ZNF132: variants seen among roughly 807,000 people sequenced by gnomAD.
ZNF132 encodes the protein zinc finger protein 132.
ZNF132 carries 6 observed loss-of-function variants against 9.3 expected under a neutral mutation model. The observed-to-expected ratio is 0.65, with a 90% CI of 0.35 to 1.28. The LOEUF is 1.28. Ranked by LOEUF, ZNF132 falls within the 50% of genes most tolerant of loss-of-function variation. ZNF132 has a pLI of 0.03. For missense variants in ZNF132, 877 were observed against 843.2 expected, an observed-to-expected ratio of 1.04 and a Z score of -0.50; for synonymous variants, 296 against 292.0, an observed-to-expected ratio of 1.01 and a Z score of -0.14.
At chr19:58,439,650 ACAGGACACGATCAAGAGTCC>A in intron 1 of ZNF132, 89 bp downstream of exon 1, 1 of 1,220,206 alleles carries the variant, frequency 8.2e-7, no homozygotes, top group Non-Finnish European at 1.1e-6. Flanking sequence ...ACGTGTGAGG[ACAGGACACGATCAAGAGTCC>A]CAGGACACCA....
In ZNF132 at chr19:58,434,269, C is replaced by T. The variant is rs780139074; in HGVS notation, c.1175G>A (p.Arg392Gln). The change falls in exon 3 of 3, where the codon CGG becomes CAG. Residue 392 changes from arginine to glutamine, a missense_variant. Arg to Gln is a conservative substitution (Grantham distance 43). Coordinates refer to ENST00000254166, the MANE Select transcript of ZNF132 (RefSeq NM_003433.4). ...TACCTGTGTGTGAACTTTCTGATGC[C>T]GAAGGAAATTGGAGCTTTGGCTGAA... ...RAFSQSSNFL[R>Q]HQKVHTQVRP... The T allele has an allele frequency of 2.0e-5, 33 of 1,613,628 alleles. No individual in the cohort carries two copies. Among genetic ancestry groups the T allele is most frequent in the African/African-American group, 2.7e-5 (2 of 74,778 alleles).
intron 2 of ZNF132, 89 bp from the exon 3 acceptor site, chr19:58,435,300 C>G (rs2122297051): frequency 6.9e-7 from 1 of 1,440,558 alleles, no homozygotes; most frequent in Non-Finnish European, 9.4e-7. Context: ...AATTCACACC[C>G]AAGAAGAGGT....
chr19:58,433,184 G>C lies in ZNF132; in HGVS notation c.*139C>G. 1 of 896,224 alleles carries C rather than the reference G, an allele frequency of 1.1e-6. No individual in the cohort carries two copies. The highest frequency in any genetic ancestry group is 1.7e-6 in the Non-Finnish European group (1 of 598,614). The allele number at this position is 896,224 out of a possible 1,614,324, so 55.5% of individuals were successfully genotyped here. ...TGGCCCTGCAAAGGTTCCTGGGCTG[G>C]TCAGAAACAGAGTAGCTTCTGAAGG... On this transcript the variant is annotated 3_prime_UTR_variant, in exon 3 of 3. Coordinates refer to ENST00000254166, the MANE Select transcript of ZNF132 (RefSeq NM_003433.4).
Position 58,434,152 on chromosome 19 carries a change from T to C in ZNF132, c.1292A>G (p.Tyr431Cys). The change falls in exon 3 of 3, where the codon TAT (tyrosine) becomes TGT (cysteine). Residue 431 changes from tyrosine (Y) to cysteine (C), a missense_variant. Coordinates refer to ENST00000254166, the MANE Select transcript of ZNF132 (RefSeq NM_003433.4). ...HWRVHTGERP[Y>C]ECSECGRAFN... The stretch of plus-strand genomic sequence containing the variant: ...AGCTCTTCCACATTCACTGCATTCA[T>C]ACGGTCTTTCTCCAGTGTGAACTCT... The C allele has an allele frequency of 6.2e-7, 1 of 1,614,174 alleles. No individual in the cohort carries two copies. Among genetic ancestry groups the C allele is most frequent in the Non-Finnish European group, 8.5e-7 (1 of 1,180,032 alleles).
rs754183704 is a variant in ZNF132 at position 58,434,246 on chromosome 19, C to G, written c.1198G>C (p.Val400Leu). The G allele has an allele frequency of 1.9e-6, 3 of 1,613,944 alleles. No homozygotes were observed. Among genetic ancestry groups the G allele is most frequent in the Non-Finnish European group, 8.5e-7 (1 of 1,180,040 alleles). ...CATTGACTGCACTCATAAGGTCTTA[C>G]CTGTGTGTGAACTTTCTGATGCCGA... Reference protein sequence around the residue: ...FLRHQKVHTQVRPYECSQCGK... With the variant: ...FLRHQKVHTQLRPYECSQCGK... The change falls in exon 3 of 3, where the codon GTA (valine) becomes CTA (leucine). Residue 400 changes from valine to leucine, a missense_variant. Coordinates refer to ENST00000254166, the MANE Select transcript of ZNF132 (RefSeq NM_003433.4).
chr19:58,437,743 G>C, intron 1 of ZNF132: 3 of 985,322 alleles, frequency 3.0e-6, no homozygotes, highest in Non-Finnish European at 3.6e-6. Flanking sequence ...ATGCAACCGG[G>C]ATCCATTCCT....
chr19:58,439,393 C>A (rs533149386), intron 1 of ZNF132, among the ~76,000 whole-genome samples: 129 of 152,354 alleles, frequency 8.5e-4, no homozygotes, highest in African/African-American at 3.0e-3. Flanking sequence ...GCTCCTCAGG[C>A]TGCCATTCCA....
chr19:58,433,541 C>A lies in ZNF132; in HGVS notation c.1903G>T (p.Ala635Ser), dbSNP rs909865199. ...RPYECSECGR[A>S]FSSNSHLVRH... ...ACCAGGTGGGAGTTACTGCTAAAGG[C>A]TCTCCCACATTCACTGCATTCGTAA... is the stretch of plus-strand genomic sequence containing the variant. Residue 635 changes from alanine (A) to serine (S), a missense_variant, in exon 3 of 3, where the codon GCC (alanine) becomes TCC (serine). By Grantham distance (99) the Ala-to-Ser change is moderately conservative (BLOSUM62 1). Coordinates refer to ENST00000254166, the MANE Select transcript of ZNF132 (RefSeq NM_003433.4). The A allele has an allele frequency of 1.2e-6, 2 of 1,614,026 alleles. No individual in the cohort carries two copies. Among genetic ancestry groups the A allele is most frequent in the African/African-American group, 1.3e-5 (1 of 74,926 alleles).
chr19:58,438,888 A>T lies in ZNF132; in HGVS notation c.63+871T>A, dbSNP rs2052787298. ...CAGATTCAAACAGTTCTTCTGCCTC[A>T]GTTTCCCAAGTTGCTGGGATTACAG... On this transcript the variant is annotated intron_variant, in intron 1 of 2. Transcript: ENST00000254166. 2.0e-5 allele frequency among the ~76,000 whole-genome samples: 3 copies of T among 151,934 alleles called. No homozygotes were observed. The South Asian group carries it at 6.2e-4, about 32-fold the overall frequency.
Position 58,433,194 on chromosome 19 carries a change from G to C in ZNF132, c.*129C>G. The C allele has an allele frequency of 1.0e-6, 1 of 981,634 alleles. No homozygotes were observed. Among genetic ancestry groups the C allele is most frequent in the Non-Finnish European group, 1.5e-6 (1 of 670,770 alleles). The allele number at this position is 981,634 out of a possible 1,614,324, so 60.8% of individuals were successfully genotyped here. A position where few individuals can be genotyped will look rare whatever the true frequency, so the allele number is the denominator to read the frequency against. ...AAGGTTCCTGGGCTGGTCAGAAACAGAGTAGCTTCTGAAGGCTTTTCCACA... is the reference window on the plus strand; with the variant it reads ...AAGGTTCCTGGGCTGGTCAGAAACACAGTAGCTTCTGAAGGCTTTTCCACA... On this transcript the variant is annotated 3_prime_UTR_variant, in exon 3 of 3. Transcript: ENST00000254166.
chr19:58,440,129 C>T lies in ZNF132; in HGVS notation c.-308G>A, dbSNP rs2052795099. ...CAGAGGCCTGCTGTAGCCCAACCCA[C>T]CAGCAGCAAAATGAGGACCGCAATG... On this transcript the variant is annotated 5_prime_UTR_variant, in exon 1 of 3. In the 5' UTR this introduces an upstream ATG that the reference lacks. Transcript: ENST00000254166. The T allele has an allele frequency of 4.8e-6, 2 of 419,762 alleles. No homozygotes were observed. Among genetic ancestry groups the T allele is most frequent in the African/African-American group, 4.2e-5 (2 of 47,086 alleles). The allele number at this position is 419,762 out of a possible 1,614,324, so 26.0% of individuals were successfully genotyped here.
chr19:58,433,093 C>A lies in ZNF132; in HGVS notation c.*230G>T, dbSNP rs1311256401. 5 of 507,542 alleles carry A rather than the reference C, an allele frequency of 9.9e-6. No individual in the cohort carries two copies. The highest frequency in any genetic ancestry group is 5.2e-4 in the Middle Eastern group (1 of 1,926). The allele number at this position is 507,542 out of a possible 1,614,324, so 31.4% of individuals were successfully genotyped here. On this transcript the variant is annotated 3_prime_UTR_variant, in exon 3 of 3. Transcript: ENST00000254166. ...CCCATGCATGAGGACAGGACTGCTG[C>A]AAATTTTTGGATCCAGGCAAGATGG... is the stretch of plus-strand genomic sequence containing the variant.
In ZNF132 at chr19:58,433,850, G is replaced by GA. The variant is rs1199493482; in HGVS notation, c.1593dup (p.Gln532SerfsTer15). ...TCTCCAGTGTGAATTCTCCAGTGCT[G>GA]AATCAGGCTGGAGCTGCGGCTGAAG... On this transcript the variant is annotated frameshift_variant, in exon 3 of 3. Coordinates refer to ENST00000254166, the MANE Select transcript of ZNF132 (RefSeq NM_003433.4). LOFTEE classifies it low-confidence loss of function (END_TRUNC). The GA allele has an allele frequency of 6.2e-7, 1 of 1,614,066 alleles. No homozygotes were observed. Among genetic ancestry groups the GA allele is most frequent in the Non-Finnish European group, 8.5e-7 (1 of 1,180,042 alleles).
At position 58,440,153 on chromosome 19, in the gene ZNF132, T is replaced by A. The variant is rs919425462; in HGVS notation, c.-332A>T. ...ACCAGCAGCAAAATGAGGACCGCAA[T>A]GGCGGCGCCGGAAGTCCCGCCTCTC... is the stretch of plus-strand genomic sequence containing the variant. On this transcript the variant is annotated 5_prime_UTR_variant, in exon 1 of 3. Transcript: ENST00000254166. 3.3e-5 allele frequency: 12 copies of A among 363,692 alleles called. No homozygotes were observed. Among genetic ancestry groups the A allele is most frequent in the African/African-American group, 2.6e-4 (12 of 45,560 alleles). The allele number at this position is 363,692 out of a possible 1,614,324, so 22.5% of individuals were successfully genotyped here. A position where few individuals can be genotyped will look rare whatever the true frequency, so the allele number is the denominator to read the frequency against.
In ZNF132 at chr19:58,434,672, G is replaced by A; in HGVS notation, c.772C>T (p.His258Tyr). Residue 258 changes from histidine to tyrosine, a missense_variant, in exon 3 of 3, where the codon CAC (histidine) becomes TAC (tyrosine). By Grantham distance (83) the His-to-Tyr change is moderately conservative. Transcript: ENST00000254166. ...SSTLPNHLRT[H>Y]SEEIPFTCPT... ...CATGTAAATGGTATCTCTTCAGAGT[G>A]AGTTCTCAGATGGTTGGGGAGAGTG... 6.2e-7 allele frequency: 1 copy of A among 1,614,220 alleles called. No individual in the cohort carries two copies. Among genetic ancestry groups the A allele is most frequent in the Non-Finnish European group, 8.5e-7 (1 of 1,180,044 alleles).
rs762130960 is a variant in ZNF132 at position 58,434,487 on chromosome 19, A to T, written c.957T>A (p.Tyr319Ter). ...AGGTTTTCCCACATGCAATGCACTC[A>T]TAATATTTTACTTCAGTGTGAAATT... The part of the protein sequence containing the change: ...HQKFHTEVKY[Y>*]ECIACGKTFN... Residue 319 changes from tyrosine to a stop codon, truncating the protein, a stop_gained, in exon 3 of 3, where the codon TAT becomes TAA. Coordinates refer to ENST00000254166, the MANE Select transcript of ZNF132 (RefSeq NM_003433.4). LOFTEE classifies it low-confidence loss of function (END_TRUNC). The T allele has an allele frequency of 6.2e-7, 1 of 1,614,110 alleles. No homozygotes were observed. Among genetic ancestry groups the T allele is most frequent in the African/African-American group, 1.3e-5 (1 of 74,950 alleles).
At position 58,434,764 on chromosome 19, in the gene ZNF132, G is replaced by A. The variant is rs1403112285; in HGVS notation, c.680C>T (p.Pro227Leu). ...GAGTTTCTGTGTGGTACAGACTTCT[G>A]GAAGCTGCCCAAGATTGGAATATGG... is the stretch of plus-strand genomic sequence containing the variant. ...QKPYSNLGQL[P>L]EVCTTQKLFE... Residue 227 changes from proline to leucine, a missense_variant, in exon 3 of 3, where the codon CCA becomes CTA. By Grantham distance (98) the Pro-to-Leu change is moderately conservative. Coordinates refer to ENST00000254166, the MANE Select transcript of ZNF132 (RefSeq NM_003433.4). 6.2e-7 allele frequency: 1 copy of A among 1,614,186 alleles called. No homozygotes were observed. The highest frequency in any genetic ancestry group is 2.2e-5 in the East Asian group (1 of 44,890).
chr19:58,439,047 T>C (rs1323773061), intron 1 of ZNF132, among the ~76,000 whole-genome samples: 1 of 152,218 alleles, frequency 6.6e-6, no homozygotes, highest in Non-Finnish European at 1.5e-5. Flanking sequence ...GTGCTGGGAT[T>C]ACAAGTGTGA....
intron 1 of ZNF132, among the ~76,000 whole-genome samples, chr19:58,439,353 G>A (rs905281925): frequency 6.6e-6 from 1 of 152,136 alleles, no homozygotes; most frequent in Non-Finnish European, 1.5e-5. Context: ...AACCTTCCAT[G>A]GCTCCCACCA....
Sources: gnomAD v4.1 joint callset for allele counts (sites outside exome capture counted in the v4.1 genomes callset) on GRCh38, gnomAD v4.1.1 for gene constraint, MANE v1.5 for transcripts, NCBI Gene and HGNC (gene_info 2026-07-23, HGNC 2026-07-21) for gene names.